Variants in MYT1L observed in about 807,000 individuals in gnomAD.
MYT1L encodes myelin transcription factor 1-like protein.
In MYT1L, 12 loss-of-function variants were observed where a neutral mutation model predicts 126.7. The ratio of observed to expected loss-of-function variants is 0.09; its 90% CI spans 0.06 to 0.15. MYT1L has a LOEUF of 0.15. Among genes scored for constraint, MYT1L ranks in the 10% least tolerant of loss-of-function variants. MYT1L has a pLI of 1.00. For synonymous variants in MYT1L, 541 were observed against 604.2 expected (o/e 0.90, Z 1.53); for missense variants, 979 against 1,585.2 (o/e 0.62, Z 6.49).
At chr2:2,126,900 T>C (rs2081774233) in intron 3 of MYT1L, among the ~76,000 whole-genome samples, 1 of 152,240 alleles carries the variant, frequency 6.6e-6, no homozygotes. Flanking sequence ...CATACACTGC[T>C]GCTCCATTTC....
chr2:2,227,262 C>T (rs2094033877), intron 2 of MYT1L, among the ~76,000 whole-genome samples: 2 of 152,140 alleles, frequency 1.3e-5, no homozygotes, highest in South Asian at 4.1e-4. Flanking sequence ...ATCATCTCTA[C>T]ATGGATGACT....
intron 1 of MYT1L, among the ~76,000 whole-genome samples, chr2:2,320,845 C>T (rs1319213694): frequency 6.6e-6 from 1 of 152,208 alleles, no homozygotes; most frequent in Non-Finnish European, 1.5e-5. Context: ...GCACATACAG[C>T]AGAACAGTTT....
chr2:1,837,743 T>C (rs1424741752), intron 21 of MYT1L, among the ~76,000 whole-genome samples: 1 of 152,118 alleles, frequency 6.6e-6, no homozygotes, highest in Admixed American at 6.5e-5. Flanking sequence ...GGTGAGCAGC[T>C]GAGGCCCCTG....
chr2:2,157,606 T>A lies in MYT1L; in HGVS notation c.-304+15266A>T, dbSNP rs139473565. On this transcript the variant is annotated intron_variant, in intron 3 of 24. Transcript: ENST00000647738. Reference sequence around the variant, plus strand: ...GCCAGTGAGAAAGTCAGATGATACATGTGCTGAGCATATGAGGAAAGGCAG... The same window carrying A: ...GCCAGTGAGAAAGTCAGATGATACAAGTGCTGAGCATATGAGGAAAGGCAG... Among the ~76,000 whole-genome samples, 709 of 152,302 alleles carry A rather than the reference T, an allele frequency of 4.7e-3. 4 individuals carry two copies. Among genetic ancestry groups the A allele is most frequent in the African/African-American group, 0.016 (685 of 41,562 alleles).
chr2:1,957,337 CTGA>C (rs1225009753), intron 8 of MYT1L, among the ~76,000 whole-genome samples: 1 of 152,118 alleles, frequency 6.6e-6, no homozygotes, highest in East Asian at 1.9e-4. Context: ...TTCTTTCATG[CTGA>C]TTTCTGGGAT....
At chr2:1,846,044 A>AC (rs2042450843) in intron 19 of MYT1L, among the ~76,000 whole-genome samples, 1 of 152,196 alleles carries the variant, frequency 6.6e-6, no homozygotes. Context: ...AGGCTTTGAT[A>AC]AGTACATACA....
chr2:2,277,148 A>AT (rs563624546), intron 2 of MYT1L, among the ~76,000 whole-genome samples: 164 of 151,616 alleles, frequency 1.1e-3, no homozygotes, highest in Admixed American at 8.9e-3. Context: ...CCCCCGGCTA[A>AT]TTTTTTTTGT....
At chr2:2,309,657 A>G (rs1361183874) in intron 1 of MYT1L, among the ~76,000 whole-genome samples, 2 of 151,708 alleles carry the variant, frequency 1.3e-5, no homozygotes, top group African/African-American at 4.8e-5. Context: ...CTCCACCTGT[A>G]CTTCAGTACA....
At chr2:2,230,411 C>T (rs145808689) in intron 2 of MYT1L, among the ~76,000 whole-genome samples, 41 of 152,312 alleles carry the variant, frequency 2.7e-4, no homozygotes, top group African/African-American at 8.2e-4. Flanking sequence ...TAATATGTGA[C>T]GCCTGTTCCC....
chr2:2,019,376 G>A (rs576457071), intron 4 of MYT1L, among the ~76,000 whole-genome samples: 30 of 152,072 alleles, frequency 2.0e-4, no homozygotes, highest in Non-Finnish European at 3.8e-4. Flanking sequence ...TCAGCCTTGT[G>A]GAACTGTGAG....
At chr2:2,171,761 CTG>C (rs1305350120) in intron 3 of MYT1L, among the ~76,000 whole-genome samples, 15 of 152,268 alleles carry the variant, frequency 9.9e-5, no homozygotes, top group Admixed American at 9.2e-4. Context: ...ATTAGAACAA[CTG>C]TGACCTATTA....
chr2:1,840,664 G>A, intron 20 of MYT1L, 96 bp downstream of exon 20: 1 of 893,166 alleles, frequency 1.1e-6, no homozygotes, highest in South Asian at 1.5e-5. Flanking sequence ...AAGACCCGCT[G>A]TCTCTTTTTC....
At chr2:2,137,597 C>A (rs944357288) in intron 3 of MYT1L, among the ~76,000 whole-genome samples, 1 of 152,250 alleles carries the variant, frequency 6.6e-6, no homozygotes, top group Middle Eastern at 3.4e-3. Context: ...GGAAAGGATT[C>A]CCTATTTAAT....
intron 3 of MYT1L, among the ~76,000 whole-genome samples, chr2:2,133,457 A>G (rs565342408): frequency 5.9e-5 from 9 of 152,310 alleles, no homozygotes; most frequent in South Asian, 2.1e-4. Flanking sequence ...AGTTACTGCT[A>G]TTTGTGGAGA....
chr2:2,043,993 A>T (rs1044897396), intron 4 of MYT1L, among the ~76,000 whole-genome samples: 2 of 152,304 alleles, frequency 1.3e-5, no homozygotes, highest in East Asian at 3.9e-4. Context: ...TTGAAAAAAA[A>T]TGAGTAAGGA....
At chr2:2,079,225 T>G (rs1273263496) in intron 3 of MYT1L, among the ~76,000 whole-genome samples, 1 of 152,084 alleles carries the variant, frequency 6.6e-6, no homozygotes, top group African/African-American at 2.4e-5. Context: ...AAATAAAAAT[T>G]AGAAAACAAG....
intron 2 of MYT1L, among the ~76,000 whole-genome samples, chr2:2,223,711 G>A (rs762671081): frequency 2.0e-4 from 30 of 152,162 alleles, no homozygotes; most frequent in Non-Finnish European, 4.3e-4. Flanking sequence ...GAAGTTGAAT[G>A]CCCAAGTCTA....
chr2:1,941,939 A>T (rs2056699732), intron 9 of MYT1L, among the ~76,000 whole-genome samples: 1 of 152,210 alleles, frequency 6.6e-6, no homozygotes, highest in Non-Finnish European at 1.5e-5. Flanking sequence ...ACATGAGATT[A>T]GCAACAAGCA....
intron 3 of MYT1L, among the ~76,000 whole-genome samples, chr2:2,150,142 G>A (rs951902639): frequency 1.2e-4 from 19 of 152,164 alleles, no homozygotes; most frequent in African/African-American, 4.1e-4. Flanking sequence ...TTGAATGGAG[G>A]GAGAGGAAGC....
Sources: allele counts gnomAD v4.1 joint callset (sites outside exome capture counted in the v4.1 genomes callset), GRCh38; gene constraint gnomAD v4.1.1; transcripts MANE v1.5; gene names NCBI Gene and HGNC (gene_info 2026-07-23, HGNC 2026-07-21).